The following NRG1 variants were observed in gnomAD, a reference collection of about 807,000 sequenced individuals.
NRG1 encodes the protein pro-neuregulin-1, membrane-bound isoform.
In NRG1, 18 loss-of-function variants were observed where a neutral mutation model predicts 63.8. That is an observed-to-expected ratio of 0.28 (90% confidence interval 0.19 to 0.42). The LOEUF is 0.42. NRG1 is among the 10% of genes least tolerant of loss of function. The probability of loss-of-function intolerance (pLI) is 1.00; values close to 1 mark genes in which losing one functional copy is unlikely to be tolerated. For synonymous variants in NRG1, 302 were observed against 301.3 expected, an observed-to-expected ratio of 1.00 and a Z score of -0.02; for missense variants, 762 against 814.7, an observed-to-expected ratio of 0.94 and a Z score of 0.79.
At chr8:32,150,468 A>G (rs1238639164) in intron 1 of NRG1, among the ~76,000 whole-genome samples, 1 of 152,134 alleles carries the variant, frequency 6.6e-6, no homozygotes, top group Non-Finnish European at 1.5e-5. Flanking sequence ...TGCTCTTATA[A>G]AAGAGGTTGA....
chr8:32,398,595 G>C (rs1407940829), intron 1 of NRG1, among the ~76,000 whole-genome samples: 2 of 152,002 alleles, frequency 1.3e-5, no homozygotes, highest in Non-Finnish European at 2.9e-5. Context: ...ATTTTTGGTA[G>C]AGACAGGGTT....
At chr8:32,051,031 A>G (rs1821894264) in intron 1 of NRG1, among the ~76,000 whole-genome samples, 1 of 152,156 alleles carries the variant, frequency 6.6e-6, no homozygotes, top group African/African-American at 2.4e-5. Flanking sequence ...AGAGTTTAAT[A>G]TAAAGTAGAA....
At chr8:32,615,037 A>G (rs1052172813) in intron 4 of NRG1, among the ~76,000 whole-genome samples, 2 of 94,670 alleles carry the variant, frequency 2.1e-5, no homozygotes, top group African/African-American at 1.2e-4. Context: ...AAACAAAACA[A>G]AAAGACTTAC....
At chr8:32,048,993 T>C (rs1821549829) in intron 1 of NRG1, among the ~76,000 whole-genome samples, 1 of 152,080 alleles carries the variant, frequency 6.6e-6, no homozygotes, top group Non-Finnish European at 1.5e-5. Context: ...CATGGTGGAT[T>C]CTGGCATACT....
intron 1 of NRG1, among the ~76,000 whole-genome samples, chr8:32,086,613 T>C (rs1417866710): frequency 1.3e-5 from 2 of 152,242 alleles, no homozygotes; most frequent in Admixed American, 1.3e-4. Flanking sequence ...CTTATTTTCT[T>C]GGGTCTGCAT....
intron 1 of NRG1, among the ~76,000 whole-genome samples, chr8:32,134,759 T>C (rs951929405): frequency 6.6e-6 from 1 of 152,080 alleles, no homozygotes; most frequent in African/African-American, 2.4e-5. Context: ...CTCATGGCTG[T>C]AATCCTAGTG....
At chr8:31,933,024 A>G (rs892940074) in intron 1 of NRG1, among the ~76,000 whole-genome samples, 3 of 152,314 alleles carry the variant, frequency 2.0e-5, no homozygotes, top group African/African-American at 7.2e-5. Flanking sequence ...TGTGGTTTGA[A>G]AAGTAATTCA....
intron 5 of NRG1, among the ~76,000 whole-genome samples, chr8:32,642,921 T>TC (rs1852705876): frequency 6.6e-6 from 1 of 152,202 alleles, no homozygotes; most frequent in Non-Finnish European, 1.5e-5. Context: ...TACCGTACAT[T>TC]CTTCTGATGA....
chr8:31,818,063 C>T (rs757456327), intron 1 of NRG1, among the ~76,000 whole-genome samples: 1 of 151,842 alleles, frequency 6.6e-6, no homozygotes, highest in Admixed American at 6.6e-5. Flanking sequence ...CCAGCAAATA[C>T]GTAATCCACA....
intron 7 of NRG1, among the ~76,000 whole-genome samples, chr8:32,747,016 C>T (rs1827573592): frequency 6.6e-6 from 1 of 151,562 alleles, no homozygotes; most frequent in Non-Finnish European, 1.5e-5. Flanking sequence ...AGAAGAGATT[C>T]CAGTTTTAAG....
intron 1 of NRG1, among the ~76,000 whole-genome samples, chr8:32,047,046 AT>A (rs930424642): frequency 1.3e-5 from 2 of 151,810 alleles, no homozygotes; most frequent in African/African-American, 2.4e-5. Flanking sequence ...TTCCCAACGT[AT>A]TTTTTTGCCC....
intron 1 of NRG1, among the ~76,000 whole-genome samples, chr8:32,590,632 T>G (rs1051021393): frequency 6.6e-6 from 1 of 152,198 alleles, no homozygotes; most frequent in Non-Finnish European, 1.5e-5. Flanking sequence ...TCCTGGGTAT[T>G]AGAAGATACT....
intron 1 of NRG1, among the ~76,000 whole-genome samples, chr8:31,817,374 CAGA>C (rs1234449736): frequency 6.6e-6 from 1 of 152,178 alleles, no homozygotes; most frequent in Non-Finnish European, 1.5e-5. Context: ...GTGACAATTA[CAGA>C]AGATCAGAAG....
intron 1 of NRG1, among the ~76,000 whole-genome samples, chr8:32,526,584 A>G (rs1391230061): frequency 2.0e-5 from 3 of 152,096 alleles, no homozygotes; most frequent in Non-Finnish European, 4.4e-5. Context: ...TGATAAACAC[A>G]TGGGTCCAAG....
At chr8:32,428,336 T>A (rs1817669572) in intron 1 of NRG1, among the ~76,000 whole-genome samples, 1 of 102,182 alleles carries the variant, frequency 9.8e-6, no homozygotes. Flanking sequence ...TTTATTTGAG[T>A]GAATTCTTTT....
At chr8:32,190,805 A>G (rs367705798) in intron 1 of NRG1, among the ~76,000 whole-genome samples, 1 of 152,324 alleles carries the variant, frequency 6.6e-6, no homozygotes, top group Admixed American at 6.5e-5. Flanking sequence ...AGGATAGCAG[A>G]ATACCAGCAT....
intron 1 of NRG1, among the ~76,000 whole-genome samples, chr8:31,927,743 C>T (rs1252915127): frequency 8.6e-5 from 13 of 150,964 alleles, no homozygotes; most frequent in African/African-American, 2.9e-4. Flanking sequence ...CCACCGCGCC[C>T]GGCCTACTTT....
intron 5 of NRG1, among the ~76,000 whole-genome samples, chr8:32,678,486 C>G (rs1807770008): frequency 6.6e-6 from 1 of 151,854 alleles, no homozygotes; most frequent in Non-Finnish European, 1.5e-5. Flanking sequence ...TAGGAAATGA[C>G]TAGTGTTGAC....
chr8:31,829,573 A>G (rs1824907006), intron 1 of NRG1, among the ~76,000 whole-genome samples: 1 of 152,216 alleles, frequency 6.6e-6, no homozygotes, highest in Non-Finnish European at 1.5e-5. Flanking sequence ...CCAAATTTGA[A>G]TATGTCCATA....
Sources: allele counts gnomAD v4.1 joint callset (sites outside exome capture counted in the v4.1 genomes callset), GRCh38; gene constraint gnomAD v4.1.1; transcripts MANE v1.5; gene names NCBI Gene and HGNC (gene_info 2026-07-23, HGNC 2026-07-21).